Variants in ELP4 observed in about 807,000 individuals in gnomAD.
The protein encoded by ELP4 is elongator complex protein 4.
In ELP4, 51 loss-of-function variants were observed where a neutral mutation model predicts 48.9. The observed-to-expected ratio is 1.04, with a 90% CI of 0.83 to 1.32. ELP4 has a LOEUF of 1.32. Ranked by LOEUF, ELP4 falls within the 40% of genes most tolerant of loss-of-function variation. The probability of loss-of-function intolerance (pLI) is 0.00; values close to 1 mark genes in which losing one functional copy is unlikely to be tolerated. For synonymous variants in ELP4, 210 were observed against 189.2 expected, an observed-to-expected ratio of 1.11 and a Z score of -0.90; for missense variants, 519 against 514.6, an observed-to-expected ratio of 1.01 and a Z score of -0.08.
At chr11:31,637,321 C>T (rs1445472129) in intron 7 of ELP4, 6 of 151,812 alleles carry the variant, frequency 4.0e-5, no homozygotes, top group African/African-American at 1.2e-4. Context: ...CTCACATTCT[C>T]ACAACTCAAC....
chr11:31,760,890 T>A (rs938325187), intron 9 of ELP4, among the ~76,000 whole-genome samples: 1 of 152,214 alleles, frequency 6.6e-6, no homozygotes, highest in Non-Finnish European at 1.5e-5. Flanking sequence ...AATAATTCAC[T>A]GCTATTTCAA....
intron 2 of ELP4, among the ~76,000 whole-genome samples, chr11:31,535,361 G>C (rs868158809): frequency 6.6e-6 from 1 of 151,874 alleles, no homozygotes; most frequent in African/African-American, 2.4e-5. Context: ...AATTATTTTT[G>C]AGCCAGGTTC....
chr11:31,532,007 AC>A (rs1053181251), intron 2 of ELP4, among the ~76,000 whole-genome samples: 20 of 152,262 alleles, frequency 1.3e-4, no homozygotes, highest in African/African-American at 4.6e-4. Flanking sequence ...GAGAATGAAA[AC>A]CATAGTAGCT....
At chr11:31,576,914 T>C (rs1402866414) in intron 3 of ELP4, among the ~76,000 whole-genome samples, 1 of 152,144 alleles carries the variant, frequency 6.6e-6, no homozygotes, top group Admixed American at 6.5e-5. Context: ...ATTCAAAAGC[T>C]AGCAGAAGGT....
At chr11:31,664,123 C>A (rs1945620706) in intron 9 of ELP4, 1 of 152,066 alleles carries the variant, frequency 6.6e-6, no homozygotes, top group Non-Finnish European at 1.5e-5. Flanking sequence ...GTTTCAAATT[C>A]TGTTTAATAT....
intron 9 of ELP4, among the ~76,000 whole-genome samples, chr11:31,674,820 G>T (rs1945885322): frequency 6.6e-6 from 1 of 152,174 alleles, no homozygotes; most frequent in Non-Finnish European, 1.5e-5. Flanking sequence ...ATTTCTGAAA[G>T]AATTTACATT....
intron 3 of ELP4, among the ~76,000 whole-genome samples, chr11:31,593,490 C>A (rs762335873): frequency 2.6e-5 from 4 of 152,078 alleles, no homozygotes; most frequent in Non-Finnish European, 5.9e-5. Flanking sequence ...GTGATCCCCC[C>A]CTACCTTGGC....
rs1227257715 is a variant in ELP4 at position 31,789,399 on chromosome 11, A to AACAGATATTTCT, written c.*5876_*5887dup. 2 of 348,970 alleles carry AACAGATATTTCT rather than the reference A, an allele frequency of 5.7e-6. No homozygotes were observed. Among genetic ancestry groups the AACAGATATTTCT allele is most frequent in the African/African-American group, 4.2e-5 (2 of 47,624 alleles). The allele number at this position is 348,970 out of a possible 1,614,324, so 21.6% of individuals were successfully genotyped here. A position where few individuals can be genotyped will look rare whatever the true frequency, so the allele number is the denominator to read the frequency against. ...ATCTGTTAACAACCTTTGGAAAACC[A>AACAGATATTTCT]ACAGATATTTCTGACATAAATCTAG... On this transcript the variant is annotated 3_prime_UTR_variant, in exon 10 of 10. Transcript: ENST00000640961.
intron 1 of ELP4, among the ~76,000 whole-genome samples, chr11:31,517,294 C>T (rs983075657): frequency 6.6e-6 from 1 of 151,816 alleles, no homozygotes; most frequent in African/African-American, 2.4e-5. Flanking sequence ...AGTGATTCTC[C>T]TGCCTCAGCT....
At chr11:31,584,090 ATCTTT>A (rs1047989570) in intron 3 of ELP4, among the ~76,000 whole-genome samples, 13 of 152,286 alleles carry the variant, frequency 8.5e-5, no homozygotes, top group African/African-American at 2.9e-4. Context: ...GGTATCTAGG[ATCTTT>A]TCTTAAATGC....
intron 5 of ELP4, among the ~76,000 whole-genome samples, chr11:31,606,221 A>G (rs781197167): frequency 1.2e-4 from 19 of 152,246 alleles, no homozygotes; most frequent in Middle Eastern, 6.8e-3. Flanking sequence ...TAAACTTTAA[A>G]CATGTAATTA....
intron 2 of ELP4, among the ~76,000 whole-genome samples, chr11:31,529,829 G>A (rs1238458689): frequency 6.6e-6 from 1 of 152,112 alleles, no homozygotes; most frequent in Non-Finnish European, 1.5e-5. Context: ...TCTTTGAGGG[G>A]TTCTTCAGTG....
intron 9 of ELP4, among the ~76,000 whole-genome samples, chr11:31,730,416 C>T (rs1183813746): frequency 6.6e-6 from 1 of 152,106 alleles, no homozygotes; most frequent in Non-Finnish European, 1.5e-5. Flanking sequence ...TTAATCACCT[C>T]CTAAAGGCCA....
intron 1 of ELP4, among the ~76,000 whole-genome samples, chr11:31,517,261 G>A (rs1010572345): frequency 6.6e-6 from 1 of 151,350 alleles, no homozygotes; most frequent in African/African-American, 2.4e-5. Flanking sequence ...TCAACTCACT[G>A]CAACCTATGA....
chr11:31,565,127 G>T (rs1310168346), intron 3 of ELP4, among the ~76,000 whole-genome samples: 1 of 152,194 alleles, frequency 6.6e-6, no homozygotes, highest in Non-Finnish European at 1.5e-5. Context: ...CTGATGGCCA[G>T]TGATGGTGAG....
intron 9 of ELP4, among the ~76,000 whole-genome samples, chr11:31,670,295 T>C (rs1465801218): frequency 3.3e-5 from 5 of 152,152 alleles, no homozygotes; most frequent in Non-Finnish European, 5.9e-5. Context: ...AGGTGCCAAG[T>C]TGATAACATC....
At chr11:31,665,566 A>G (rs1268630530) in intron 9 of ELP4, among the ~76,000 whole-genome samples, 1 of 151,950 alleles carries the variant, frequency 6.6e-6, no homozygotes, top group Non-Finnish European at 1.5e-5. Flanking sequence ...ATCAAATATC[A>G]AAGATTCCTA....
intron 9 of ELP4, among the ~76,000 whole-genome samples, chr11:31,679,463 G>T (rs563731375): frequency 1.3e-5 from 2 of 152,228 alleles, no homozygotes; most frequent in South Asian, 4.1e-4. Context: ...TTTCTTCTGA[G>T]GCCTCTCTAC....
intron 9 of ELP4, among the ~76,000 whole-genome samples, chr11:31,759,312 T>A (rs1198366485): frequency 6.6e-6 from 1 of 152,206 alleles, no homozygotes; most frequent in East Asian, 1.9e-4. Flanking sequence ...TGTCCTTAGG[T>A]GCCTTAAATG....
Sources: gnomAD v4.1 joint callset for allele counts (sites outside exome capture counted in the v4.1 genomes callset) on GRCh38, gnomAD v4.1.1 for gene constraint, MANE v1.5 for transcripts, NCBI Gene and HGNC (gene_info 2026-07-23, HGNC 2026-07-21) for gene names.